Variants in PLCE1 observed in about 807,000 individuals in gnomAD.
The protein encoded by PLCE1 is phospholipase C epsilon 1.
In PLCE1, 119 loss-of-function variants were observed where a neutral mutation model predicts 242.8. That is an observed-to-expected ratio of 0.49 (90% confidence interval 0.42 to 0.57). The LOEUF (loss-of-function observed/expected upper bound fraction) is 0.57. Ranked by LOEUF, PLCE1 falls within the 20% of genes least tolerant of loss-of-function variation. PLCE1 has a pLI of 0.00. For missense variants in PLCE1, 2,441 were observed against 2,788.8 expected, an observed-to-expected ratio of 0.88 and a Z score of 2.81; for synonymous variants, 945 against 1,017.4, an observed-to-expected ratio of 0.93 and a Z score of 1.35.
In PLCE1 at chr10:94,171,346, C is replaced by T. The variant is rs943937024; in HGVS notation, c.1659C>T (p.Val553=). The T allele has an allele frequency of 1.3e-5, 21 of 1,614,136 alleles. No homozygotes were observed. Among genetic ancestry groups the T allele is most frequent in the African/African-American group, 8.0e-5 (6 of 75,034 alleles). Residue 553 remains valine, a synonymous_variant, in exon 4 of 33, where the codon GTC becomes GTT. Coordinates refer to ENST00000371380, the MANE Select transcript of PLCE1 (RefSeq NM_016341.4). Reference sequence around the variant, plus strand: ...CTATTTACCGCAGGGTCTTGCCAGTCGACTACCTTTGCTTCTTAACACGGG... The same window carrying T: ...CTATTTACCGCAGGGTCTTGCCAGTTGACTACCTTTGCTTCTTAACACGGG... The part of the protein sequence containing the change: ...EQTIYRRVLP[V]DYLCFLTRDL...
At position 94,316,747 on chromosome 10, in the gene PLCE1, C is replaced by T; in HGVS notation, c.6333C>T (p.Thr2111=). The stretch of plus-strand genomic sequence containing the variant: ...ACATGGGCAGGATTGTCTTAAAAAC[C>T]CAGCAGGAAGTAAGTGTGTCTGGGT... ...EGYMGRIVLK[T]QQENLEEKNI... Residue 2111 remains threonine (T), a synonymous_variant, in exon 29 of 33, where the codon ACC becomes ACT. Transcript: ENST00000371380. The T allele has an allele frequency of 6.2e-7, 1 of 1,612,704 alleles. No individual in the cohort carries two copies. Among genetic ancestry groups the T allele is most frequent in the Non-Finnish European group, 8.5e-7 (1 of 1,178,732 alleles).
At chr10:94,277,578 A>G (rs928751396) in intron 19 of PLCE1, among the ~76,000 whole-genome samples, 1 of 151,888 alleles carries the variant, frequency 6.6e-6, no homozygotes, top group East Asian at 1.9e-4. Flanking sequence ...TACAGTTCTC[A>G]TGCTTCCCTG....
chr10:94,255,261 A>C (rs958261284), intron 11 of PLCE1, among the ~76,000 whole-genome samples: 1 of 152,244 alleles, frequency 6.6e-6, no homozygotes, highest in Admixed American at 6.5e-5. Flanking sequence ...CAGTAGCAGT[A>C]ACAAAACCTA....
At chr10:94,113,435 C>G (rs2046017388) in intron 2 of PLCE1, among the ~76,000 whole-genome samples, 1 of 152,064 alleles carries the variant, frequency 6.6e-6, no homozygotes, top group Non-Finnish European at 1.5e-5. Flanking sequence ...AAAGTAAATC[C>G]TGGTTGGAGA....
chr10:94,094,315 G>A (rs572311723), intron 2 of PLCE1, among the ~76,000 whole-genome samples: 14 of 123,478 alleles, frequency 1.1e-4, no homozygotes, highest in African/African-American at 6.7e-4. Flanking sequence ...GACAGCCACC[G>A]TGTTAGAGAG....
At chr10:94,247,374 T>C (rs2050722809) in intron 8 of PLCE1, among the ~76,000 whole-genome samples, 1 of 151,790 alleles carries the variant, frequency 6.6e-6, no homozygotes, top group African/African-American at 2.4e-5. Flanking sequence ...CCCAGGATCA[T>C]TGTAGTTCTC....
intron 2 of PLCE1, among the ~76,000 whole-genome samples, chr10:94,063,134 T>C (rs2044105415): frequency 6.6e-6 from 1 of 152,202 alleles, no homozygotes; most frequent in African/African-American, 2.4e-5. Context: ...GAACACCTCC[T>C]ATGCTATGCG....
intron 2 of PLCE1, among the ~76,000 whole-genome samples, chr10:94,058,739 G>C (rs571125604): frequency 6.6e-6 from 1 of 151,960 alleles, no homozygotes; most frequent in African/African-American, 2.4e-5. Flanking sequence ...ATGGTGATGG[G>C]GACTTAATTA....
chr10:94,298,717 G>A lies in PLCE1; in HGVS notation c.5458+48G>A. The A allele has an allele frequency of 6.3e-7, 1 of 1,596,536 alleles. No individual in the cohort carries two copies. Among genetic ancestry groups the A allele is most frequent in the Non-Finnish European group, 8.6e-7 (1 of 1,164,466 alleles). The stretch of plus-strand genomic sequence containing the variant: ...TCGCTCCTTTGCATCTTACATTTCA[G>A]TAAATGCAGTTTGACAGCATTTTTT... On this transcript the variant is annotated intron_variant, in intron 24 of 32. Coordinates refer to ENST00000371380, the MANE Select transcript of PLCE1 (RefSeq NM_016341.4). This position sits in a 1 kb window ranked among gnomAD's most constrained non-coding sequence, Gnocchi z 5.2.
chr10:94,290,872 A>G (rs755007880), intron 22 of PLCE1, among the ~76,000 whole-genome samples: 9 of 152,202 alleles, frequency 5.9e-5, no homozygotes, highest in Non-Finnish European at 1.3e-4. Context: ...CTGGCAGTGC[A>G]GCAGATTTGT....
At chr10:94,190,609 A>C (rs899865644) in intron 4 of PLCE1, among the ~76,000 whole-genome samples, 12 of 152,196 alleles carry the variant, frequency 7.9e-5, no homozygotes, top group African/African-American at 1.2e-4. Flanking sequence ...CTAACTCAAA[A>C]AACAACAACA....
At chr10:94,042,977 C>G (rs896152839) in intron 2 of PLCE1, among the ~76,000 whole-genome samples, 1 of 152,046 alleles carries the variant, frequency 6.6e-6, no homozygotes, top group Non-Finnish European at 1.5e-5. Flanking sequence ...TCTGACCAAC[C>G]GACCTAAGTA....
chr10:94,027,940 G>A (rs1053577485), intron 1 of PLCE1, among the ~76,000 whole-genome samples: 1 of 152,176 alleles, frequency 6.6e-6, no homozygotes, highest in Non-Finnish European at 1.5e-5. Context: ...TAGGGCTTCA[G>A]ACTAGATGGA....
At chr10:94,039,399 G>A (rs142745000) in intron 2 of PLCE1, among the ~76,000 whole-genome samples, 1,693 of 149,234 alleles carry the variant, frequency 0.011, 33 homozygotes, top group African/African-American at 0.038. Flanking sequence ...TTTTTTTCCC[G>A]GAGACGGAGT....
At chr10:94,239,834 G>A (rs2050444221) in intron 7 of PLCE1, among the ~76,000 whole-genome samples, 1 of 152,190 alleles carries the variant, frequency 6.6e-6, no homozygotes, top group African/African-American at 2.4e-5. Context: ...ACGTACGCAT[G>A]TGGATGCCCC....
At chr10:94,247,992 A>T (rs2050746259) in intron 8 of PLCE1, among the ~76,000 whole-genome samples, 1 of 152,238 alleles carries the variant, frequency 6.6e-6, no homozygotes, top group Admixed American at 6.5e-5. Context: ...TCATGGCAAA[A>T]AGAAATATCT....
chr10:94,306,724 T>G lies in PLCE1; in HGVS notation c.5884+36T>G. 1 of 1,514,324 alleles carries G rather than the reference T, an allele frequency of 6.6e-7. No individual in the cohort carries two copies. Among genetic ancestry groups the G allele is most frequent in the Non-Finnish European group, 9.1e-7 (1 of 1,098,510 alleles). The allele number at this position is 1,514,324 out of a possible 1,614,324, so 93.8% of individuals were successfully genotyped here. Reference sequence around the variant, plus strand: ...ATTGTCCAAATGTTAATAATTGTTGTAGCTAGGTGATGGATGCCAGAATTT... The same window carrying G: ...ATTGTCCAAATGTTAATAATTGTTGGAGCTAGGTGATGGATGCCAGAATTT... On this transcript the variant is annotated intron_variant, in intron 26 of 32. Transcript: ENST00000371380. This position sits in a 1 kb window ranked among gnomAD's most constrained non-coding sequence, Gnocchi z 5.7.
chr10:94,161,766 C>T lies in PLCE1; in HGVS notation c.1493-9414C>T, dbSNP rs533563282. ...AAAGGGAATGCTTCCAGTTTTTGCC[C>T]ATTCAGTATGATATTGGCTGTGGGT... On this transcript the variant is annotated intron_variant, in intron 3 of 32. Transcript: ENST00000371380. 3.3e-3 allele frequency among the ~76,000 whole-genome samples: 504 copies of T among 152,190 alleles called. 3 individuals are homozygous for T. Among genetic ancestry groups the T allele is most frequent in the Non-Finnish European group, 5.2e-3 (351 of 68,008 alleles).
chr10:94,270,143 G>T (rs2051674047), intron 17 of PLCE1, among the ~76,000 whole-genome samples: 1 of 152,062 alleles, frequency 6.6e-6, no homozygotes, highest in Admixed American at 6.6e-5. Flanking sequence ...AAGCAAGAAA[G>T]TATTTTATGC....
Sources: allele counts gnomAD v4.1 joint callset (sites outside exome capture counted in the v4.1 genomes callset), GRCh38; gene constraint gnomAD v4.1.1; non-coding constraint Gnocchi (gnomAD v3.1); transcripts MANE v1.5; gene names NCBI Gene and HGNC (gene_info 2026-07-23, HGNC 2026-07-21).